Variants in DLGAP2 observed in about 807,000 individuals in gnomAD.
DLGAP2 encodes the protein DLG associated protein 2, also known as disks large-associated protein 2.
A neutral mutation model predicts 100.3 loss-of-function variants in DLGAP2; 26 were observed. The ratio of observed to expected loss-of-function variants is 0.26; its 90% CI spans 0.19 to 0.36. DLGAP2 has a LOEUF of 0.36. Ranked by LOEUF, DLGAP2 falls within the 10% of genes least tolerant of loss-of-function variation. The pLI is 1.00. For missense variants in DLGAP2, 1,858 were observed against 1,453.2 expected (o/e 1.28, Z -4.53); for synonymous variants, 886 against 630.1 (o/e 1.41, Z -6.08).
intron 1 of DLGAP2, among the ~76,000 whole-genome samples, chr8:825,955 T>A (rs1035904208): frequency 6.6e-6 from 1 of 152,252 alleles, no homozygotes; most frequent in Non-Finnish European, 1.5e-5. Flanking sequence ...TCTGACTATA[T>A]TTTTATACGC....
chr8:1,069,515 A>T (rs746173114), intron 2 of DLGAP2, among the ~76,000 whole-genome samples: 5 of 152,124 alleles, frequency 3.3e-5, no homozygotes, highest in Non-Finnish European at 7.4e-5. Flanking sequence ...TTTTTGAGAT[A>T]ACGGTTTCTG....
chr8:908,374 CT>C (rs1327014319), intron 2 of DLGAP2, among the ~76,000 whole-genome samples: 1 of 152,138 alleles, frequency 6.6e-6, no homozygotes, highest in African/African-American at 2.4e-5. Context: ...CAAGGCCTTT[CT>C]TTGTGATCAG....
intron 3 of DLGAP2, among the ~76,000 whole-genome samples, chr8:1,270,416 A>G (rs1799556632): frequency 6.6e-6 from 1 of 152,200 alleles, no homozygotes; most frequent in African/African-American, 2.4e-5. Context: ...ATGCAGAAGC[A>G]TTTGTTTTGC....
intron 6 of DLGAP2, among the ~76,000 whole-genome samples, chr8:1,614,303 G>T (rs1261952136): frequency 6.6e-6 from 1 of 152,230 alleles, no homozygotes; most frequent in Admixed American, 6.5e-5. Context: ...TGGGGCCTCT[G>T]CAGCCAGAGG....
intron 3 of DLGAP2, among the ~76,000 whole-genome samples, chr8:1,273,511 A>G (rs1344638159): frequency 6.6e-6 from 1 of 152,192 alleles, no homozygotes; most frequent in Non-Finnish European, 1.5e-5. Flanking sequence ...GAGCTGCGGC[A>G]GTTCACGTGC....
intron 1 of DLGAP2, among the ~76,000 whole-genome samples, chr8:811,948 C>G (rs1025022523): frequency 1.3e-5 from 2 of 152,226 alleles, no homozygotes; most frequent in East Asian, 1.9e-4. Context: ...TTTTCCTTGA[C>G]TCTCCGTCAA....
chr8:1,424,522 C>G (rs1364058623), intron 3 of DLGAP2, among the ~76,000 whole-genome samples: 1 of 152,256 alleles, frequency 6.6e-6, no homozygotes, highest in Non-Finnish European at 1.5e-5. Context: ...CATCCTACGA[C>G]TTGGGTGAAC....
chr8:1,186,038 A>C lies in DLGAP2; in HGVS notation c.74-72813A>C, dbSNP rs1021644644. On this transcript the variant is annotated intron_variant, in intron 2 of 14. Transcript: ENST00000637795. ...GTGTTCATGAGTGAGTCAGGTTTGG[A>C]GTGTGGCAATGCGGGCTCTGGAGAC... 5.9e-5 allele frequency among the ~76,000 whole-genome samples: 9 copies of C among 152,170 alleles called. No homozygotes were observed. In the East Asian group the frequency reaches 1.7e-3, roughly 30 times the overall value.
intron 1 of DLGAP2, among the ~76,000 whole-genome samples, chr8:773,964 A>G (rs1393897840): frequency 6.6e-6 from 1 of 152,232 alleles, no homozygotes; most frequent in Non-Finnish European, 1.5e-5. Context: ...AGTCCCACTA[A>G]CAGTGTAAAA....
intron 3 of DLGAP2, among the ~76,000 whole-genome samples, chr8:1,412,991 C>T (rs965795834): frequency 6.6e-6 from 1 of 152,180 alleles, no homozygotes; most frequent in Non-Finnish European, 1.5e-5. Context: ...CCCTTCCTGA[C>T]CACAGTGTGG....
chr8:927,386 G>T (rs1798839886), intron 2 of DLGAP2, among the ~76,000 whole-genome samples: 1 of 152,116 alleles, frequency 6.6e-6, no homozygotes, highest in African/African-American at 2.4e-5. Flanking sequence ...AAACGTTCTG[G>T]TCCCCAAGGC....
intron 1 of DLGAP2, among the ~76,000 whole-genome samples, chr8:865,595 C>T (rs1563070372): frequency 6.6e-6 from 1 of 152,220 alleles, no homozygotes; most frequent in South Asian, 2.1e-4. Flanking sequence ...TTGCTCACCT[C>T]TCTCCAGCAT....
At chr8:1,623,858 G>C (rs1047716988) in intron 6 of DLGAP2, among the ~76,000 whole-genome samples, 1 of 152,200 alleles carries the variant, frequency 6.6e-6, no homozygotes, top group Non-Finnish European at 1.5e-5. Flanking sequence ...TAGCTATTGT[G>C]AGTCTATGTT....
intron 6 of DLGAP2, among the ~76,000 whole-genome samples, chr8:1,610,373 G>T (rs1171313465): frequency 6.6e-6 from 1 of 151,344 alleles, no homozygotes; most frequent in African/African-American, 2.4e-5. Context: ...AGAATCTCTG[G>T]GACGCATTCA....
chr8:1,424,419 A>T (rs935774087), intron 3 of DLGAP2, among the ~76,000 whole-genome samples: 5 of 152,180 alleles, frequency 3.3e-5, no homozygotes, highest in African/African-American at 1.2e-4. Context: ...GGTGGTTGTG[A>T]TTTCCAAATG....
intron 2 of DLGAP2, among the ~76,000 whole-genome samples, chr8:1,188,235 G>A (rs1276402716): frequency 6.0e-5 from 8 of 133,368 alleles, no homozygotes; most frequent in East Asian, 2.3e-4. Flanking sequence ...CGGGACTTCC[G>A]TGACGTTTCC....
Position 931,769 on chromosome 8 carries a change from C to CT in DLGAP2, c.73+23805dup, listed in dbSNP as rs1192773570. Among the ~76,000 whole-genome samples the CT allele has an allele frequency of 2.6e-5, 4 of 152,184 alleles. 1 individual carries two copies. In the South Asian group the frequency reaches 6.2e-4, roughly 24 times the overall value. On this transcript the variant is annotated intron_variant, in intron 2 of 14. Coordinates refer to ENST00000637795, the MANE Select transcript of DLGAP2 (RefSeq NM_001346810.2). ...CGTTGGCACAGGAAAAAGGGCCCCA[C>CT]TTGGTTTTTCTTTAAAAATCTTTGG...
chr8:794,067 T>G (rs4735923), intron 1 of DLGAP2, among the ~76,000 whole-genome samples: 35,837 of 151,490 alleles, frequency 0.24, 4,964 homozygotes, highest in African/African-American at 0.39. Context: ...ATGAGCTGTT[T>G]GCCGGCCTGT....
intron 4 of DLGAP2, among the ~76,000 whole-genome samples, chr8:1,527,241 C>A (rs913212694): frequency 6.6e-6 from 1 of 152,362 alleles, no homozygotes; most frequent in African/African-American, 2.4e-5. Flanking sequence ...CCCACCCCAG[C>A]TTTCAAGTCT....
Sources: allele counts gnomAD v4.1 joint callset (sites outside exome capture counted in the v4.1 genomes callset), GRCh38; gene constraint gnomAD v4.1.1; transcripts MANE v1.5; gene names NCBI Gene and HGNC (gene_info 2026-07-23, HGNC 2026-07-21).